Variants in CNTNAP5 observed in about 807,000 individuals in gnomAD.
The protein encoded by CNTNAP5 is contactin associated protein family member 5, also known as contactin-associated protein-like 5.
In CNTNAP5, 72 loss-of-function variants were observed where a neutral mutation model predicts 150.2. The observed-to-expected ratio is 0.48, with a 90% CI of 0.40 to 0.58. The LOEUF (loss-of-function observed/expected upper bound fraction) is 0.58. CNTNAP5 is among the 20% of genes least tolerant of loss of function. The probability of loss-of-function intolerance (pLI) is 0.00; values close to 1 mark genes in which losing one functional copy is unlikely to be tolerated. For synonymous variants in CNTNAP5, 672 were observed against 619.8 expected, an observed-to-expected ratio of 1.08 and a Z score of -1.25; for missense variants, 1,636 against 1,626.2, an observed-to-expected ratio of 1.01 and a Z score of -0.10.
intron 7 of CNTNAP5, among the ~76,000 whole-genome samples, chr2:124,502,687 A>T (rs554584697): frequency 3.3e-5 from 5 of 152,234 alleles, no homozygotes; most frequent in African/African-American, 1.2e-4. Flanking sequence ...GTTGGCCATC[A>T]TTGGTGATGT....
intron 1 of CNTNAP5, among the ~76,000 whole-genome samples, chr2:124,050,578 G>C (rs755262848): frequency 1.4e-4 from 22 of 152,214 alleles, no homozygotes; most frequent in Non-Finnish European, 1.2e-4. Flanking sequence ...ACTTTCCGGG[G>C]TGCTCCAGAT....
At chr2:124,134,652 G>A (rs1414571778) in intron 1 of CNTNAP5, among the ~76,000 whole-genome samples, 2 of 152,094 alleles carry the variant, frequency 1.3e-5, no homozygotes, top group Non-Finnish European at 2.9e-5. Context: ...GCAGATAATT[G>A]AAATGAAAGA....
intron 2 of CNTNAP5, among the ~76,000 whole-genome samples, chr2:124,233,083 A>T (rs1481739556): frequency 6.6e-6 from 1 of 151,546 alleles, no homozygotes; most frequent in African/African-American, 2.4e-5. Context: ...GGTAAAAATT[A>T]ATTATTAAAA....
At position 124,917,491 on chromosome 2, in the gene CNTNAP5, T is replaced by A. The variant is rs1678794228; in HGVS notation, c.*3203T>A. Among the ~76,000 whole-genome samples, 1 of 152,106 alleles carries A rather than the reference T, an allele frequency of 6.6e-6. No homozygotes were observed. The highest frequency in any genetic ancestry group is 2.1e-4 in the South Asian group (1 of 4,832). ...ATTTCTATAGACATATTTTTATGAC[T>A]AACTTTGCCTCTTCTATTTACCCTC... On this transcript the variant is annotated 3_prime_UTR_variant, in exon 24 of 24. Coordinates refer to ENST00000682447, the MANE Select transcript of CNTNAP5 (RefSeq NM_001367498.1).
rs576700912 is a variant in CNTNAP5 at position 124,485,612 on chromosome 2, C to CAAAAAAAAA, written c.1062+10744_1062+10752dup. Reference sequence around the variant, plus strand: ...TGGGCGACACAGAAAGACTCTGTCTCAAAAAAAAAAAAAAAAAAAAAAGAA... The same window carrying CAAAAAAAAA: ...TGGGCGACACAGAAAGACTCTGTCTCAAAAAAAAAAAAAAAAAAAAAAAAAAAAAAAGAA... On this transcript the variant is annotated intron_variant, in intron 7 of 23. Coordinates refer to ENST00000682447, the MANE Select transcript of CNTNAP5 (RefSeq NM_001367498.1). Among the ~76,000 whole-genome samples, 83 of 52,386 alleles carry CAAAAAAAAA rather than the reference C, an allele frequency of 1.6e-3. 2 individuals carry two copies. Among genetic ancestry groups the CAAAAAAAAA allele is most frequent in the Middle Eastern group, 0.018 (1 of 56 alleles). 34.4% of individuals were successfully genotyped at this position (52,386 alleles called of 152,430 possible). A position where few individuals can be genotyped will look rare whatever the true frequency, so the allele number is the denominator to read the frequency against.
At chr2:124,493,018 G>A (rs1352153053) in intron 7 of CNTNAP5, among the ~76,000 whole-genome samples, 2 of 152,092 alleles carry the variant, frequency 1.3e-5, no homozygotes, top group African/African-American at 2.4e-5. Flanking sequence ...AATAGAGGCA[G>A]CAGAAGTGGT....
chr2:124,571,504 CTG>C (rs1313295569), intron 11 of CNTNAP5, among the ~76,000 whole-genome samples: 15 of 107,436 alleles, frequency 1.4e-4, no homozygotes, highest in African/African-American at 5.6e-4. Context: ...TGGTATCCCA[CTG>C]AGTACTTTTT....
chr2:124,510,231 A>ATATATCTATATATC (rs1558933113), intron 8 of CNTNAP5, among the ~76,000 whole-genome samples: 5 of 115,630 alleles, frequency 4.3e-5, no homozygotes, highest in African/African-American at 1.6e-4. Flanking sequence ...AAAGTAAATT[A>ATATATCTATATATC]TATATCTATA....
intron 17 of CNTNAP5, among the ~76,000 whole-genome samples, chr2:124,779,941 T>C (rs1391294122): frequency 6.6e-6 from 1 of 152,148 alleles, no homozygotes; most frequent in Non-Finnish European, 1.5e-5. Flanking sequence ...TGGGAAGACG[T>C]AGTGTCTAAT....
chr2:124,261,312 C>G (rs1687446885), intron 3 of CNTNAP5, among the ~76,000 whole-genome samples: 1 of 152,124 alleles, frequency 6.6e-6, no homozygotes, highest in South Asian at 2.1e-4. Context: ...TGCCCAAACT[C>G]CCAACAATCT....
intron 21 of CNTNAP5, among the ~76,000 whole-genome samples, chr2:124,885,826 T>C (rs1036441621): frequency 5.3e-5 from 8 of 152,092 alleles, no homozygotes; most frequent in African/African-American, 1.9e-4. Context: ...TAATATGTTG[T>C]ATGCATATGT....
chr2:124,341,609 G>T (rs1387176750), intron 3 of CNTNAP5, among the ~76,000 whole-genome samples: 8 of 152,092 alleles, frequency 5.3e-5, no homozygotes. Flanking sequence ...TCACAGTTAA[G>T]GTGAACGAGT....
chr2:124,176,469 C>G (rs1392509305), intron 1 of CNTNAP5, among the ~76,000 whole-genome samples: 1 of 152,148 alleles, frequency 6.6e-6, no homozygotes, highest in African/African-American at 2.4e-5. Context: ...CCCATTGCCT[C>G]TGAAAGGTAG....
intron 7 of CNTNAP5, among the ~76,000 whole-genome samples, chr2:124,485,112 CAA>C (rs36059918): frequency 7.9e-5 from 12 of 151,464 alleles, no homozygotes; most frequent in South Asian, 2.1e-4. Flanking sequence ...TTAGAAAATG[CAA>C]AAAAAAAATT....
At chr2:124,076,570 T>A (rs2104670057) in intron 1 of CNTNAP5, among the ~76,000 whole-genome samples, 1 of 152,218 alleles carries the variant, frequency 6.6e-6, no homozygotes, top group East Asian at 1.9e-4. Context: ...TCTCTTGGTG[T>A]CTTTAAAGTT....
At chr2:124,134,115 C>T (rs1683922408) in intron 1 of CNTNAP5, among the ~76,000 whole-genome samples, 1 of 152,004 alleles carries the variant, frequency 6.6e-6, no homozygotes, top group Admixed American at 6.6e-5. Context: ...TGTGTGGGAC[C>T]CAATTCTGGT....
chr2:124,630,287 C>T lies in CNTNAP5; in HGVS notation c.1877-17471C>T, dbSNP rs187790682. 1.6e-3 allele frequency among the ~76,000 whole-genome samples: 248 copies of T among 152,212 alleles called. 1 individual carries two copies. Among genetic ancestry groups the T allele is most frequent in the Middle Eastern group, 0.01 (3 of 294 alleles). Reference sequence around the variant, plus strand: ...ATAAAACAAAAAAGAAAACTTCAGGCCAATATCCCTGATGAACATTGATAC... The same window carrying T: ...ATAAAACAAAAAAGAAAACTTCAGGTCAATATCCCTGATGAACATTGATAC... On this transcript the variant is annotated intron_variant, in intron 12 of 23. Coordinates refer to ENST00000682447, the MANE Select transcript of CNTNAP5 (RefSeq NM_001367498.1).
chr2:124,659,551 A>T (rs1033282659), intron 13 of CNTNAP5, among the ~76,000 whole-genome samples: 2 of 152,180 alleles, frequency 1.3e-5, no homozygotes, highest in African/African-American at 4.8e-5. Flanking sequence ...AATAGCTAAC[A>T]TATTGACCTC....
chr2:124,652,025 C>T (rs1183748597), intron 13 of CNTNAP5, among the ~76,000 whole-genome samples: 1 of 152,154 alleles, frequency 6.6e-6, no homozygotes, highest in African/African-American at 2.4e-5. Flanking sequence ...CATGGGTCAC[C>T]ACTGGGCCTT....
Sources: gnomAD v4.1 joint callset for allele counts (sites outside exome capture counted in the v4.1 genomes callset) on GRCh38, gnomAD v4.1.1 for gene constraint, MANE v1.5 for transcripts, NCBI Gene and HGNC (gene_info 2026-07-23, HGNC 2026-07-21) for gene names.